The following TRIM41 variants were observed in gnomAD, a reference collection of about 807,000 sequenced individuals.
TRIM41 encodes the protein tripartite motif containing 41, also known as E3 ubiquitin-protein ligase TRIM41.
TRIM41 carries 21 observed loss-of-function variants against 60.6 expected under a neutral mutation model. The ratio of observed to expected loss-of-function variants is 0.35; its 90% CI spans 0.25 to 0.50. The LOEUF (loss-of-function observed/expected upper bound fraction) is 0.50, where lower values mean the gene tolerates loss of function less well. Among genes scored for constraint, TRIM41 ranks in the 20% least tolerant of loss-of-function variants. TRIM41 has a pLI of 0.98. For synonymous variants in TRIM41, 407 were observed against 344.9 expected (o/e 1.18, Z -2.00); for missense variants, 846 against 868.3 (o/e 0.97, Z 0.32).
chr5:181,224,332 C>T lies in TRIM41; in HGVS notation c.333C>T (p.Gly111=), dbSNP rs757829917. Residue 111 remains glycine (G), a synonymous_variant, in exon 1 of 6, where the codon GGC becomes GGT. Coordinates refer to ENST00000315073, the MANE Select transcript of TRIM41 (RefSeq NM_033549.5). ...AAGAGGGTGTGTTCTGGACCAGTGG[C>T]ATGAGCAGGTCCAGCTGGGACAACA... ...EEEEGVFWTS[G]MSRSSWDNMD... is the part of the protein sequence containing the mutation. 1.2e-6 allele frequency: 2 copies of T among 1,613,574 alleles called. No individual in the cohort carries two copies. The highest frequency in any genetic ancestry group is 4.5e-5 in the East Asian group (2 of 44,836).
At chr5:181,226,205 A>G (rs1429112607) in intron 1 of TRIM41, 1 of 152,046 alleles carries the variant, frequency 6.6e-6, no homozygotes, top group South Asian at 2.1e-4. Context: ...CCCGGGTTCA[A>G]GTGATTCTCC....
intron 1 of TRIM41, chr5:181,228,986 A>C (rs909918505): frequency 6.6e-6 from 1 of 151,968 alleles, no homozygotes; most frequent in Non-Finnish European, 1.5e-5. Flanking sequence ...AAGCGTTATA[A>C]ATTCTGAATT....
rs1476126592 is a variant in TRIM41 at position 181,235,730 on chromosome 5, T to C, written c.*955T>C. ...GTCACTTGCAGCTTTCGCCCTCTGCTTTGATGGCTGAGGTGAACTCATGTT... is the reference window on the plus strand; with the variant it reads ...GTCACTTGCAGCTTTCGCCCTCTGCCTTGATGGCTGAGGTGAACTCATGTT... On this transcript the variant is annotated 3_prime_UTR_variant, in exon 6 of 6. Coordinates refer to ENST00000315073, the MANE Select transcript of TRIM41 (RefSeq NM_033549.5). 3.5e-6 allele frequency: 1 copy of C among 285,116 alleles called. No homozygotes were observed. Among genetic ancestry groups the C allele is most frequent in the East Asian group, 6.8e-5 (1 of 14,666 alleles). The allele number at this position is 285,116 out of a possible 1,614,324, so 17.7% of individuals were successfully genotyped here.
rs1758386958 is a variant in TRIM41, at chr5:181,223,579, C to CG, written c.-417dup. ...CATTTCCTGTCGCCCTGGGGCCCCG[C>CG]GGGGAAAAAGGGGGAGTAGCAGGAC... On this transcript the variant is annotated 5_prime_UTR_variant, in exon 1 of 6. Transcript: ENST00000315073. The CG allele has an allele frequency of 2.2e-6, 1 of 447,244 alleles. No homozygotes were observed. Among genetic ancestry groups the CG allele is most frequent in the Admixed American group, 3.8e-5 (1 of 26,354 alleles). 27.7% of individuals were successfully genotyped at this position (447,244 alleles called of 1,614,324 possible). A position where few individuals can be genotyped will look rare whatever the true frequency, so the allele number is the denominator to read the frequency against.
chr5:181,224,862 G>A, intron 1 of TRIM41, 50 bp downstream of exon 1: 2 of 1,610,400 alleles, frequency 1.2e-6, no homozygotes, highest in Non-Finnish European at 1.7e-6. Flanking sequence ...GGATGGAGAG[G>A]AAGTAAGGGG....
chr5:181,224,180 C>CGGG lies in TRIM41; in HGVS notation c.182_184dup (p.Arg61_Glu62insGly), dbSNP rs1380095332. On this transcript the variant is annotated inframe_insertion, in exon 1 of 6. Transcript: ENST00000315073. ...TGAGGAGGACAGAGATGAGTTAGAT[C>CGGG]GGGAGGAGGAGGAGGAGGACGGAGA... 25 of 1,612,928 alleles carry CGGG rather than the reference C, an allele frequency of 1.5e-5. No individual in the cohort carries two copies. Among genetic ancestry groups the CGGG allele is most frequent in the Non-Finnish European group, 2.1e-5 (25 of 1,179,778 alleles).
intron 1 of TRIM41, chr5:181,229,197 T>C (rs1758687848): frequency 6.6e-6 from 1 of 152,222 alleles, no homozygotes; most frequent in African/African-American, 2.4e-5. Flanking sequence ...AGGATGTCAC[T>C]GGCAGCTTAA....
At chr5:181,231,361 C>G (rs964673866) in intron 2 of TRIM41, 9 of 152,068 alleles carry the variant, frequency 5.9e-5, no homozygotes, top group Admixed American at 5.9e-4. Context: ...CCGACCCCCC[C>G]GCTTTTTTTG....
rs375620105 is a variant in TRIM41 at position 181,234,916 on chromosome 5, C to A, written c.*141C>A. On this transcript the variant is annotated 3_prime_UTR_variant, in exon 6 of 6. Transcript: ENST00000315073. The surrounding 1 kb of genome is among the most constrained non-coding windows in gnomAD (Gnocchi z 5.6). ...CCCACTCCCCCTTGACCCCAGGCCC[C>A]TGCTTCTCCCTCTAGGAGCCTAAAG... The A allele has an allele frequency of 6.2e-6, 10 of 1,613,448 alleles. No homozygotes were observed. In the African/African-American group the frequency reaches 1.2e-4, roughly 19 times the overall value.
intron 3 of TRIM41, 66 bp downstream of exon 3, chr5:181,232,955 C>T (rs762400596): frequency 3.9e-5 from 57 of 1,465,332 alleles, no homozygotes; most frequent in Middle Eastern, 1.7e-4. Context: ...GCTTACCAAA[C>T]GCCTGTCCAG....
chr5:181,226,718 C>T (rs1026970658), intron 1 of TRIM41: 2 of 152,254 alleles, frequency 1.3e-5, no homozygotes, highest in Admixed American at 6.5e-5. Context: ...CACCCTTTCT[C>T]TTTCACCTCC....
Position 181,233,940 on chromosome 5 carries a change from C to T in TRIM41, c.1291+177C>T, listed in dbSNP as rs1758925535. On this transcript the variant is annotated intron_variant, in intron 5 of 5. Transcript: ENST00000315073. This position sits in a 1 kb window ranked among gnomAD's most constrained non-coding sequence, Gnocchi z 4.1. ...GCAGGTAGACCTAGTGCAGGCAGGCCTGGAGGGTGGGGTGGGGTGGAGTGG... is the reference window on the plus strand; with the variant it reads ...GCAGGTAGACCTAGTGCAGGCAGGCTTGGAGGGTGGGGTGGGGTGGAGTGG... 1 of 1,218,790 alleles carries T rather than the reference C, an allele frequency of 8.2e-7. No homozygotes were observed. Among genetic ancestry groups the T allele is most frequent in the Non-Finnish European group, 1.2e-6 (1 of 867,824 alleles). The allele number at this position is 1,218,790 out of a possible 1,614,324, so 75.5% of individuals were successfully genotyped here. A position where few individuals can be genotyped will look rare whatever the true frequency, so the allele number is the denominator to read the frequency against.
At position 181,234,960 on chromosome 5, in the gene TRIM41, C is replaced by G. The variant is rs775322274; in HGVS notation, c.*185C>G. On this transcript the variant is annotated 3_prime_UTR_variant, in exon 6 of 6. Coordinates refer to ENST00000315073, the MANE Select transcript of TRIM41 (RefSeq NM_033549.5). This position sits in a 1 kb window ranked among gnomAD's most constrained non-coding sequence, Gnocchi z 5.6. The stretch of plus-strand genomic sequence containing the variant: ...CCTAAAGAACCCTCCTGGCCTCCAG[C>G]TCAGCCTTCTCTCACCTACTATGTC... The G allele has an allele frequency of 8.7e-6, 14 of 1,613,996 alleles. No individual in the cohort carries two copies. The highest frequency in any genetic ancestry group is 2.2e-5 in the South Asian group (2 of 91,090).
In TRIM41 at chr5:181,223,566, C is replaced by T. The variant is rs960342302; in HGVS notation, c.-434C>T. On this transcript the variant is annotated 5_prime_UTR_variant, in exon 1 of 6. Coordinates refer to ENST00000315073, the MANE Select transcript of TRIM41 (RefSeq NM_033549.5). ...AGCGTCTCCTCGCCATTTCCTGTCGCCCTGGGGCCCCGCGGGGAAAAAGGG... is the reference window on the plus strand; with the variant it reads ...AGCGTCTCCTCGCCATTTCCTGTCGTCCTGGGGCCCCGCGGGGAAAAAGGG... 2.2e-6 allele frequency: 1 copy of T among 449,444 alleles called. No individual in the cohort carries two copies. Among genetic ancestry groups the T allele is most frequent in the Non-Finnish European group, 3.9e-6 (1 of 255,080 alleles). 27.8% of individuals were successfully genotyped at this position (449,444 alleles called of 1,614,324 possible).
intron 1 of TRIM41, chr5:181,230,523 A>AAAAAAAAC (rs1582277090): frequency 4.2e-6 from 1 of 239,016 alleles, no homozygotes; most frequent in Non-Finnish European, 8.0e-6. Context: ...AAAAAAAAAA[A>AAAAAAAAC]AAATACACAC....
chr5:181,234,716 C>G lies in TRIM41; in HGVS notation c.1834C>G (p.Arg612Gly). Residue 612 changes from arginine to glycine, a missense_variant, in exon 6 of 6, where the codon CGT becomes GGT. By Grantham distance (125) the Arg-to-Gly change is moderately radical (BLOSUM62 -2). Transcript: ENST00000315073. The surrounding 1 kb of genome is among the most constrained non-coding windows in gnomAD (Gnocchi z 5.6). ...HTFSAAFLGE[R>G]VFPFFRVLSK... is the part of the protein sequence containing the mutation. ...CTTCTCGGCTGCCTTCCTGGGCGAG[C>G]GTGTCTTTCCTTTCTTCCGGGTGCT... 1.9e-6 allele frequency: 3 copies of G among 1,614,164 alleles called. No individual in the cohort carries two copies. The highest frequency in any genetic ancestry group is 2.5e-6 in the Non-Finnish European group (3 of 1,180,010).
intron 2 of TRIM41, chr5:181,231,130 G>T (rs550866666): frequency 6.3e-5 from 21 of 332,354 alleles, no homozygotes; most frequent in South Asian, 5.3e-4. Flanking sequence ...GAGCCTGAAG[G>T]GGGCAAAGCA....
Position 181,224,260 on chromosome 5 carries a change from G to T in TRIM41, c.261G>T (p.Arg87=). 3 of 1,613,846 alleles carry T rather than the reference G, an allele frequency of 1.9e-6. No individual in the cohort carries two copies. The highest frequency in any genetic ancestry group is 2.2e-5 in the South Asian group (2 of 91,060). ...GCGCGGGGTGGGACACCCCCATGCG[G>T]GATGAAGACTACGAGGGTGACATGG... ...GAGAGWDTPM[R]DEDYEGDMEE... is the part of the protein sequence containing the mutation. Residue 87 remains arginine (R), a synonymous_variant, in exon 1 of 6, where the codon CGG becomes CGT. Coordinates refer to ENST00000315073, the MANE Select transcript of TRIM41 (RefSeq NM_033549.5).
rs2113186004 is a variant in TRIM41 at position 181,233,609 on chromosome 5, A to C, written c.1164-27A>C. Reference sequence around the variant, plus strand: ...TTCCCTCTGGGAATATCGTGGTCCCACCCCCTGCCCGGTCCCCTTCCTCCA... The same window carrying C: ...TTCCCTCTGGGAATATCGTGGTCCCCCCCCCTGCCCGGTCCCCTTCCTCCA... On this transcript the variant is annotated intron_variant, in intron 4 of 5. Coordinates refer to ENST00000315073, the MANE Select transcript of TRIM41 (RefSeq NM_033549.5). This position sits in a 1 kb window ranked among gnomAD's most constrained non-coding sequence, Gnocchi z 4.1. The C allele has an allele frequency of 6.2e-7, 1 of 1,612,270 alleles. No individual in the cohort carries two copies. The highest frequency in any genetic ancestry group is 2.2e-5 in the East Asian group (1 of 44,804).
Sources: gnomAD v4.1 joint callset for allele counts on GRCh38, gnomAD v4.1.1 for gene constraint, Gnocchi (gnomAD v3.1) non-coding constraint, MANE v1.5 for transcripts, NCBI Gene and HGNC (gene_info 2026-07-23, HGNC 2026-07-21) for gene names.